KIF2A: variants seen among roughly 807,000 people sequenced by gnomAD.
KIF2A encodes the protein kinesin-like protein KIF2A.
KIF2A carries 22 observed loss-of-function variants against 100.2 expected under a neutral mutation model. The observed-to-expected ratio is 0.22, with a 90% CI of 0.16 to 0.31. KIF2A has a LOEUF of 0.31. Among genes scored for constraint, KIF2A ranks in the 10% least tolerant of loss-of-function variants. The pLI, the probability that KIF2A is intolerant of heterozygous loss-of-function variation, is 1.00. For missense variants in KIF2A, 495 were observed against 898.7 expected (o/e 0.55, Z 5.74); for synonymous variants, 268 against 285.9 (o/e 0.94, Z 0.63).
chr5:62,351,141 A>T (rs1040698669), intron 4 of KIF2A, among the ~76,000 whole-genome samples: 1 of 152,088 alleles, frequency 6.6e-6, no homozygotes. Context: ...CTGAGGCAGG[A>T]GGATCGCTTG....
In KIF2A at chr5:62,360,528, T is replaced by TA. The variant is rs565651861; in HGVS notation, c.873-713dup. 7.2e-3 allele frequency among the ~76,000 whole-genome samples: 1,099 copies of TA among 152,110 alleles called. 12 individuals are homozygous for TA. Among genetic ancestry groups the TA allele is most frequent in the Non-Finnish European group, 0.011 (764 of 67,980 alleles). ...GGTGAAACCACGTCTCTACTAAAAA[T>TA]ACAGAAATTAGCTGGGTGTGGTGGC... On this transcript the variant is annotated intron_variant, in intron 9 of 20. Coordinates refer to ENST00000407818, the MANE Select transcript of KIF2A (RefSeq NM_001098511.3).
At chr5:62,385,173 A>G (rs1208726569) in intron 20 of KIF2A, among the ~76,000 whole-genome samples, 1 of 152,208 alleles carries the variant, frequency 6.6e-6, no homozygotes, top group African/African-American at 2.4e-5. Flanking sequence ...TGTATTTTAC[A>G]ATGTGAAACC....
chr5:62,317,739 C>G (rs1340060838), intron 1 of KIF2A, among the ~76,000 whole-genome samples: 1 of 152,138 alleles, frequency 6.6e-6, no homozygotes, highest in African/African-American at 2.4e-5. Context: ...CATCATGTGT[C>G]CCTTCATCTG....
chr5:62,375,462 A>G (rs989852148), intron 18 of KIF2A, among the ~76,000 whole-genome samples: 2 of 152,234 alleles, frequency 1.3e-5, no homozygotes, highest in African/African-American at 4.8e-5. Context: ...TGAGGTTTAA[A>G]TAATTTGACC....
At chr5:62,346,798 C>T (rs959318681) in intron 1 of KIF2A, among the ~76,000 whole-genome samples, 7 of 152,154 alleles carry the variant, frequency 4.6e-5, no homozygotes, top group Admixed American at 1.3e-4. Context: ...ATTTTTGGCT[C>T]ATAGTAAGGA....
At chr5:62,315,955 G>A (rs1014101386) in intron 1 of KIF2A, among the ~76,000 whole-genome samples, 1 of 152,186 alleles carries the variant, frequency 6.6e-6, no homozygotes, top group African/African-American at 2.4e-5. Flanking sequence ...AAGGGCAGAT[G>A]AGTTGAAAGG....
intron 1 of KIF2A, among the ~76,000 whole-genome samples, chr5:62,317,000 A>G (rs553536635): frequency 1.3e-5 from 2 of 152,056 alleles, no homozygotes; most frequent in South Asian, 4.2e-4. Flanking sequence ...AAAATTTTTC[A>G]ATGAGCTATA....
chr5:62,377,881 G>T, intron 19 of KIF2A, 119 bp downstream of exon 19: 1 of 497,910 alleles, frequency 2.0e-6, no homozygotes. Flanking sequence ...ATGTATATGT[G>T]TATTTGTAGG....
intron 1 of KIF2A, among the ~76,000 whole-genome samples, chr5:62,340,215 G>A (rs1747226147): frequency 6.6e-6 from 1 of 152,164 alleles, no homozygotes; most frequent in African/African-American, 2.4e-5. Context: ...GGGATTGCAG[G>A]CGTGAGCCAC....
At chr5:62,337,220 G>A (rs1235680006) in intron 1 of KIF2A, among the ~76,000 whole-genome samples, 1 of 152,140 alleles carries the variant, frequency 6.6e-6, no homozygotes, top group Non-Finnish European at 1.5e-5. Flanking sequence ...AGCCGGGCAC[G>A]GTGGCTCATG....
At chr5:62,317,391 AT>A (rs1219513259) in intron 1 of KIF2A, among the ~76,000 whole-genome samples, 1 of 152,240 alleles carries the variant, frequency 6.6e-6, no homozygotes, top group Non-Finnish European at 1.5e-5. Flanking sequence ...AGGGGCCCTA[AT>A]TAGTGAGGTA....
rs1418898804 is a variant in KIF2A, at chr5:62,372,273, A to C, written c.1647-165A>C. 2.6e-5 allele frequency among the ~76,000 whole-genome samples: 4 copies of C among 152,306 alleles called. No homozygotes were observed. The Middle Eastern group carries it at 0.01, about 389-fold the overall frequency. ...ATCAATAGAACAAAGATGTTCAAAA[A>C]CCTCTTAAAATTTGTTATTTGTAAA... On this transcript the variant is annotated intron_variant, in intron 16 of 20. Coordinates refer to ENST00000407818, the MANE Select transcript of KIF2A (RefSeq NM_001098511.3).
At chr5:62,361,410 T>C in intron 10 of KIF2A, 56 bp from the exon 11 acceptor site, 1 of 1,419,104 alleles carries the variant, frequency 7.0e-7, no homozygotes, top group Non-Finnish European at 9.9e-7. Context: ...GTGAACTAAA[T>C]TCTTAAGAGT....
At chr5:62,319,337 A>G (rs1411437602) in intron 1 of KIF2A, among the ~76,000 whole-genome samples, 1 of 152,218 alleles carries the variant, frequency 6.6e-6, no homozygotes, top group Non-Finnish European at 1.5e-5. Flanking sequence ...AACATGGCTT[A>G]TGGTGGACCC....
At chr5:62,348,680 C>T (rs1422543612) in intron 3 of KIF2A, among the ~76,000 whole-genome samples, 3 of 152,188 alleles carry the variant, frequency 2.0e-5, no homozygotes, top group African/African-American at 7.2e-5. Flanking sequence ...ATTAAAAGCA[C>T]ATTATTCTTC....
chr5:62,321,628 T>A (rs1422382925), intron 1 of KIF2A, among the ~76,000 whole-genome samples: 2 of 152,216 alleles, frequency 1.3e-5, no homozygotes, highest in Admixed American at 6.5e-5. Flanking sequence ...AATGGTGTGA[T>A]GTCAGTTCAC....
In KIF2A at chr5:62,355,184, A is replaced by G; in HGVS notation, c.584A>G (p.Tyr195Cys). Residue 195 changes from tyrosine (Y) to cysteine (C), a missense_variant, in exon 7 of 21, where the codon TAT becomes TGT. Around this residue, in one of 10 missense-constraint regions of KIF2A, gnomAD observed 109 missense variants for 244.2 expected, o/e 0.45. Transcript: ENST00000407818. ...AQDVDATNPN[Y>C]EIMCMIRDFR... Reference sequence around the variant, plus strand: ...GACGTTGATGCTACAAACCCAAATTATGAAATTATGTGTATGATCAGAGAC... The same window carrying G: ...GACGTTGATGCTACAAACCCAAATTGTGAAATTATGTGTATGATCAGAGAC... 1 of 1,588,882 alleles carries G rather than the reference A, an allele frequency of 6.3e-7. No individual in the cohort carries two copies. Among genetic ancestry groups the G allele is most frequent in the East Asian group, 2.2e-5 (1 of 44,486 alleles).
intron 7 of KIF2A, among the ~76,000 whole-genome samples, chr5:62,356,335 C>A (rs573175600): frequency 2.6e-4 from 39 of 152,264 alleles, no homozygotes; most frequent in Non-Finnish European, 3.5e-4. Flanking sequence ...ACATTTTCTG[C>A]AAGGGTCTTT....
chr5:62,316,189 A>G (rs185723223), intron 1 of KIF2A, among the ~76,000 whole-genome samples: 2 of 152,318 alleles, frequency 1.3e-5, no homozygotes, highest in African/African-American at 4.8e-5. Flanking sequence ...TTTACCTGCA[A>G]TGGGAATTTG....
Sources: gnomAD v4.1 joint callset for allele counts (sites outside exome capture counted in the v4.1 genomes callset) on GRCh38, gnomAD v4.1.1 for gene constraint, gnomAD v4.1.1 regional missense constraint, MANE v1.5 for transcripts, NCBI Gene and HGNC (gene_info 2026-07-23, HGNC 2026-07-21) for gene names.